OR2T10: variants seen among roughly 807,000 people sequenced by gnomAD.
The protein encoded by OR2T10 is olfactory receptor family 2 subfamily T member 10.
For missense variants in OR2T10, 335 were observed against 382.5 expected (o/e 0.88, Z 1.04); for synonymous variants, 125 against 141.8 (o/e 0.88, Z 0.84).
rs1190402439 is a variant in OR2T10 at position 248,596,541 on chromosome 1, A to C, written c.-29+951T>G. On this transcript the variant is annotated intron_variant, in intron 1 of 1. Coordinates refer to ENST00000642090, the MANE Select transcript of OR2T10 (RefSeq NM_001004693.2). ...ACACTGAAACAAGGGGACTGAGTCC[A>C]TAAGGCTGCAGAACAAAACTCCCCT... is the stretch of plus-strand genomic sequence containing the variant. Among the ~76,000 whole-genome samples, 6 of 143,350 alleles carry C rather than the reference A, an allele frequency of 4.2e-5. 1 individual carries two copies. Among genetic ancestry groups the C allele is most frequent in the Non-Finnish European group, 9.1e-5 (6 of 66,276 alleles). 94.0% of individuals were successfully genotyped at this position (143,350 alleles called of 152,430 possible).
At position 248,592,648 on chromosome 1, in the gene OR2T10, G is replaced by A; in HGVS notation, c.*182C>T. On this transcript the variant is annotated 3_prime_UTR_variant, in exon 2 of 2. Coordinates refer to ENST00000642090, the MANE Select transcript of OR2T10 (RefSeq NM_001004693.2). ...CTAGAGATCAATGCTACGAGGGAAG[G>A]GGGGGATAAGTGAACATCATCTCAA... 2 of 473,718 alleles carry A rather than the reference G, an allele frequency of 4.2e-6. No individual in the cohort carries two copies. Among genetic ancestry groups the A allele is most frequent in the Non-Finnish European group, 7.4e-6 (2 of 268,546 alleles). The allele number at this position is 473,718 out of a possible 1,614,324, so 29.3% of individuals were successfully genotyped here. A position where few individuals can be genotyped will look rare whatever the true frequency, so the allele number is the denominator to read the frequency against.
rs1382347855 is a variant in OR2T10, at chr1:248,593,243, G to A, written c.526C>T (p.His176Tyr). The change falls in exon 2 of 2, where the codon CAC becomes TAC. Residue 176 changes from histidine (H) to tyrosine (Y), a missense_variant. By Grantham distance (83) the His-to-Tyr change is moderately conservative (BLOSUM62 2). Transcript: ENST00000642090. ...ACAGCAGGGACCTCACAGAAGAAGT[G>A]CTGAATCTCATGGGATCTGCAGAAG... ...FPFCRSHEIQHFFCEVPAVLK... is the reference protein window; with the variant it reads ...FPFCRSHEIQYFFCEVPAVLK... The A allele has an allele frequency of 1.3e-6, 2 of 1,573,890 alleles. No homozygotes were observed. The highest frequency in any genetic ancestry group is 1.7e-6 in the Non-Finnish European group (2 of 1,157,180).
In OR2T10 at chr1:248,593,168, A is replaced by C; in HGVS notation, c.601T>G (p.Leu201Val). ...DTSLYKIFMY[L>V]CCVIMLLIPV... ...ATCAGGAGCATGATGACACAGCACAAGTACATGAAAATCTTGTAAAGTGAG... is the reference window on the plus strand; with the variant it reads ...ATCAGGAGCATGATGACACAGCACACGTACATGAAAATCTTGTAAAGTGAG... Residue 201 changes from leucine (L) to valine (V), a missense_variant, in exon 2 of 2, where the codon TTG becomes GTG. Leu to Val is a conservative substitution (Grantham distance 32, BLOSUM62 1). Transcript: ENST00000642090. 1.3e-6 allele frequency: 2 copies of C among 1,572,560 alleles called. 1 individual carries two copies. The highest frequency in any genetic ancestry group is 1.7e-6 in the Non-Finnish European group (2 of 1,156,310).
In OR2T10 at chr1:248,590,695, T is replaced by TGA. The variant is rs1659983496; in HGVS notation, c.*2134_*2135insTC. On this transcript the variant is annotated 3_prime_UTR_variant, in exon 2 of 2. Coordinates refer to ENST00000642090, the MANE Select transcript of OR2T10 (RefSeq NM_001004693.2). ...TCTTTCGTTGCTTCTTTTAGAAATA[T>TGA]AAAAATCTATCATTTTTTCATTTTA... The TGA allele has an allele frequency of 7.0e-6, 1 of 143,330 alleles. No homozygotes were observed. Among genetic ancestry groups the TGA allele is most frequent in the Non-Finnish European group, 1.5e-5 (1 of 66,264 alleles). 8.9% of individuals were successfully genotyped at this position (143,330 alleles called of 1,614,324 possible).
intron 1 of OR2T10, among the ~76,000 whole-genome samples, 165 bp downstream of exon 1, chr1:248,597,322 GTTATT>G (rs1216634757): frequency 5.8e-5 from 4 of 68,726 alleles, no homozygotes; most frequent in Non-Finnish European, 1.1e-4. Flanking sequence ...ATGCTTATGA[GTTATT>G]TTATGTGATC....
In OR2T10 at chr1:248,594,793, A is replaced by G. The variant is rs1401426077; in HGVS notation, c.-28-997T>C. 3 of 143,638 alleles carry G rather than the reference A, an allele frequency of 2.1e-5. 1 individual carries two copies. The highest frequency in any genetic ancestry group is 2.0e-4 in the Admixed American group (3 of 14,718). 8.9% of individuals were successfully genotyped at this position (143,638 alleles called of 1,614,324 possible). ...CCATTTTGCCTGTAGAATTTTGGTG[A>G]GAGAAAGTTTGCCTCAATTTATACT... is the stretch of plus-strand genomic sequence containing the variant. On this transcript the variant is annotated intron_variant, in intron 1 of 1. Transcript: ENST00000642090.
rs1021015325 is a variant in OR2T10, at chr1:248,595,055, G to A, written c.-28-1259C>T. ...ATCCAAGTTCCAATTTCTTCTCAGA[G>A]CATCTAGTCAATTAATCACCTTGTA... On this transcript the variant is annotated intron_variant, in intron 1 of 1. Transcript: ENST00000642090. The A allele has an allele frequency of 5.6e-5, 8 of 143,172 alleles. 1 individual carries two copies. Among genetic ancestry groups the A allele is most frequent in the African/African-American group, 2.2e-4 (8 of 36,274 alleles). 8.9% of individuals were successfully genotyped at this position (143,172 alleles called of 1,614,324 possible).
In OR2T10 at chr1:248,593,672, T is replaced by C; in HGVS notation, c.97A>G (p.Ser33Gly). The C allele has an allele frequency of 1.3e-6, 2 of 1,560,300 alleles. 1 individual carries two copies. The highest frequency in any genetic ancestry group is 4.6e-5 in the East Asian group (2 of 43,442). The change falls in exon 2 of 2, where the codon AGT becomes GGT. Residue 33 changes from serine (S) to glycine (G), a missense_variant. By Grantham distance (56) the Ser-to-Gly change is moderately conservative. Coordinates refer to ENST00000642090, the MANE Select transcript of OR2T10 (RefSeq NM_001004693.2). ...HPGRLCLLIF[S>G]IFLMAVSWNI... Reference sequence around the variant, plus strand: ...CAAGACACAGCCATCAAAAATATACTGAAGATAAGCAAGCAGAGGCGGCCA... The same window carrying C: ...CAAGACACAGCCATCAAAAATATACCGAAGATAAGCAAGCAGAGGCGGCCA...
chr1:248,590,736 G>A lies in OR2T10; in HGVS notation c.*2094C>T, dbSNP rs761104456. ...TTTCATTTTATAAACTTGTTTTGGCGTTTACTATAAACATTACAGCATGTA... is the reference window on the plus strand; with the variant it reads ...TTTCATTTTATAAACTTGTTTTGGCATTTACTATAAACATTACAGCATGTA... On this transcript the variant is annotated 3_prime_UTR_variant, in exon 2 of 2. Coordinates refer to ENST00000642090, the MANE Select transcript of OR2T10 (RefSeq NM_001004693.2). 4.9e-5 allele frequency: 7 copies of A among 142,422 alleles called. 1 individual carries two copies. The highest frequency in any genetic ancestry group is 3.4e-3 in the Middle Eastern group (1 of 290). The allele number at this position is 142,422 out of a possible 1,614,324, so 8.8% of individuals were successfully genotyped here. A position where few individuals can be genotyped will look rare whatever the true frequency, so the allele number is the denominator to read the frequency against.
Position 248,591,603 on chromosome 1 carries a change from T to C in OR2T10, c.*1227A>G, listed in dbSNP as rs1157046910. ...AGAGAGGGAAAGCCACGTGAAAACA[T>C]TGGGTATGGAAAGAACTATAGTGTT... On this transcript the variant is annotated 3_prime_UTR_variant, in exon 2 of 2. Coordinates refer to ENST00000642090, the MANE Select transcript of OR2T10 (RefSeq NM_001004693.2). 1 of 143,374 alleles carries C rather than the reference T, an allele frequency of 7.0e-6. No homozygotes were observed. Among genetic ancestry groups the C allele is most frequent in the Non-Finnish European group, 1.5e-5 (1 of 66,250 alleles). The allele number at this position is 143,374 out of a possible 1,614,324, so 8.9% of individuals were successfully genotyped here. A position where few individuals can be genotyped will look rare whatever the true frequency, so the allele number is the denominator to read the frequency against.
chr1:248,596,443 A>C (rs1291029566), intron 1 of OR2T10, among the ~76,000 whole-genome samples: 2 of 142,916 alleles, frequency 1.4e-5, no homozygotes, highest in African/African-American at 5.5e-5. Flanking sequence ...TCTCAGGTTT[A>C]TTCAGGAGAA....
chr1:248,592,951 A>T lies in OR2T10; in HGVS notation c.818T>A (p.Met273Lys), dbSNP rs770893235. Residue 273 changes from methionine to lysine, a missense_variant, in exon 2 of 2, where the codon ATG becomes AAG. Coordinates refer to ENST00000642090, the MANE Select transcript of OR2T10 (RefSeq NM_001004693.2). ...AAGGATAGTGTAGAAAAAGGATGAC[A>T]TCATATCTTTCTCAGGAGTTTGGTA... ...SSYQTPEKDMMSSFFYTILTP... is the reference protein window; with the variant it reads ...SSYQTPEKDMKSSFFYTILTP... 2 of 1,566,554 alleles carry T rather than the reference A, an allele frequency of 1.3e-6. No homozygotes were observed. Among genetic ancestry groups the T allele is most frequent in the South Asian group, 2.3e-5 (2 of 88,768 alleles).
rs1243952806 is a variant in OR2T10 at position 248,597,536 on chromosome 1, A to G, written c.-73T>C. On this transcript the variant is annotated 5_prime_UTR_variant, in exon 1 of 2. Coordinates refer to ENST00000642090, the MANE Select transcript of OR2T10 (RefSeq NM_001004693.2). The stretch of plus-strand genomic sequence containing the variant: ...TAATACCCTGAGGAATTTTATTTCC[A>G]ATAAGATACTTCCAGTATAGTCGTC... The G allele has an allele frequency of 7.0e-6, 1 of 143,464 alleles. No individual in the cohort carries two copies. Among genetic ancestry groups the G allele is most frequent in the African/African-American group, 2.7e-5 (1 of 36,476 alleles). The allele number at this position is 143,464 out of a possible 1,614,324, so 8.9% of individuals were successfully genotyped here.
rs1659986825 is a variant in OR2T10, at chr1:248,590,906, T to A, written c.*1924A>T. The A allele has an allele frequency of 7.0e-6, 1 of 143,822 alleles. No individual in the cohort carries two copies. The highest frequency in any genetic ancestry group is 1.5e-5 in the Non-Finnish European group (1 of 66,406). 8.9% of individuals were successfully genotyped at this position (143,822 alleles called of 1,614,324 possible). On this transcript the variant is annotated 3_prime_UTR_variant, in exon 2 of 2. Transcript: ENST00000642090. ...AAAATTATTGCTAAGTCAATATTGA[T>A]TATGACTCATTTACATATTACTCTT...
chr1:248,590,759 G>A lies in OR2T10; in HGVS notation c.*2071C>T, dbSNP rs1341279784. 7.0e-6 allele frequency: 1 copy of A among 142,972 alleles called. No homozygotes were observed. The highest frequency in any genetic ancestry group is 1.5e-5 in the Non-Finnish European group (1 of 66,198). 8.9% of individuals were successfully genotyped at this position (142,972 alleles called of 1,614,324 possible). A position where few individuals can be genotyped will look rare whatever the true frequency, so the allele number is the denominator to read the frequency against. ...GCGTTTACTATAAACATTACAGCAT[G>A]TACTCTTGATTTACTAAAGTTTAAC... On this transcript the variant is annotated 3_prime_UTR_variant, in exon 2 of 2. Coordinates refer to ENST00000642090, the MANE Select transcript of OR2T10 (RefSeq NM_001004693.2).
rs764778878 is a variant in OR2T10, at chr1:248,590,793, C to T, written c.*2037G>A. 1.4e-5 allele frequency: 2 copies of T among 143,412 alleles called. No homozygotes were observed. Among genetic ancestry groups the T allele is most frequent in the East Asian group, 4.0e-4 (2 of 4,992 alleles). 8.9% of individuals were successfully genotyped at this position (143,412 alleles called of 1,614,324 possible). Reference sequence around the variant, plus strand: ...ATTTACTAAAGTTTAACACAAATTACTACCTCTACTACATCAATATTGATA... The same window carrying T: ...ATTTACTAAAGTTTAACACAAATTATTACCTCTACTACATCAATATTGATA... On this transcript the variant is annotated 3_prime_UTR_variant, in exon 2 of 2. Transcript: ENST00000642090.
intron 1 of OR2T10, 45 bp from the exon 2 acceptor site, chr1:248,593,841 C>T (rs1182473191): frequency 1.6e-5 from 12 of 752,008 alleles, no homozygotes; most frequent in Admixed American, 2.6e-5. Flanking sequence ...GTGTGTACCA[C>T]GTAAAAGTAT....
chr1:248,594,292 G>A (rs1354677390), intron 1 of OR2T10, among the ~76,000 whole-genome samples: 1 of 143,008 alleles, frequency 7.0e-6, no homozygotes, highest in Non-Finnish European at 1.5e-5. Flanking sequence ...ATACTTAAAA[G>A]CAATATATTA....
Position 248,593,576 on chromosome 1 carries a change from G to A in OR2T10, c.193C>T (p.Gln65Ter), listed in dbSNP as rs1182418373. The change falls in exon 2 of 2, where the codon CAG becomes TAG. Residue 65 changes from glutamine to a stop codon, truncating the protein, a stop_gained. Coordinates refer to ENST00000642090, the MANE Select transcript of OR2T10 (RefSeq NM_001004693.2). LOFTEE classifies it low-confidence loss of function (END_TRUNC). ...LHTPMYFFIN[Q>*]LSLIDLTYIS... Reference sequence around the variant, plus strand: ...TATGTCAAGTCTATGAGTGAGAGCTGGTTTATAAAGAAGTACATGGGAGTA... The same window carrying A: ...TATGTCAAGTCTATGAGTGAGAGCTAGTTTATAAAGAAGTACATGGGAGTA... 1.3e-6 allele frequency: 2 copies of A among 1,566,678 alleles called. No individual in the cohort carries two copies. Among genetic ancestry groups the A allele is most frequent in the African/African-American group, 1.5e-5 (1 of 65,732 alleles).
Sources: allele counts gnomAD v4.1 joint callset (sites outside exome capture counted in the v4.1 genomes callset), GRCh38; gene constraint gnomAD v4.1.1; transcripts MANE v1.5; gene names NCBI Gene and HGNC (gene_info 2026-07-23, HGNC 2026-07-21).